The following MBNL3 variants were observed in gnomAD, a reference collection of about 807,000 sequenced individuals.
MBNL3 encodes muscleblind-like protein 3.
Under a neutral mutation model 24.5 loss-of-function variants are expected in MBNL3, and 6 were observed. That is an observed-to-expected ratio of 0.25 (90% CI 0.13 to 0.48). MBNL3 has a LOEUF of 0.48. Ranked by LOEUF, MBNL3 falls within the 20% of genes least tolerant of loss-of-function variation. MBNL3 has a pLI of 0.99. For missense variants in MBNL3, 230 were observed against 293.5 expected (o/e 0.78, Z 1.58); for synonymous variants, 100 against 101.7 (o/e 0.98, Z 0.10).
chrX:132,469,691 T>C (rs1947074706), intron 1 of MBNL3, among the ~76,000 whole-genome samples: 1 of 112,363 alleles, frequency 8.9e-6, no homozygotes, highest in Non-Finnish European at 1.9e-5. Flanking sequence ...GTCAGTACAA[T>C]TCTTAATAAC....
At chrX:132,456,576 G>A (rs1946382832) in intron 1 of MBNL3, among the ~76,000 whole-genome samples, 1 of 111,835 alleles carries the variant, frequency 8.9e-6, no homozygotes, top group African/African-American at 3.2e-5. Flanking sequence ...ATCCTATGAG[G>A]TACATACTTT....
chrX:132,434,168 C>T (rs754725942), intron 2 of MBNL3, among the ~76,000 whole-genome samples: 17 of 112,493 alleles, frequency 1.5e-4, no homozygotes, highest in African/African-American at 4.8e-4. Context: ...AAGAAGGGGA[C>T]AGCTGTCACA....
chrX:132,383,735 A>G (rs1935457443), intron 7 of MBNL3, among the ~76,000 whole-genome samples: 1 of 111,620 alleles, frequency 9.0e-6, no homozygotes, highest in African/African-American at 3.3e-5. Context: ...GTCATTTTGA[A>G]CTTTATTCTC....
chrX:132,390,898 G>A lies in MBNL3; in HGVS notation c.720C>T (p.Ala240=). 8.3e-7 allele frequency: 1 copy of A among 1,211,486 alleles called. No individual in the cohort carries two copies. The highest frequency in any genetic ancestry group is 3.0e-5 in the East Asian group (1 of 33,828). Residue 240 remains alanine (A), a synonymous_variant, in exon 5 of 9, where the codon GCC becomes GCT. Transcript: ENST00000370853. ...KYFHPPAHLQ[A]RLKAAHHQMN... is the part of the protein sequence containing the mutation. Reference sequence around the variant, plus strand: ...TCTGATGATGAGCTGCCTTGAGTCTGGCTTGCAAGTGTGCAGGAGGATGAA... The same window carrying A: ...TCTGATGATGAGCTGCCTTGAGTCTAGCTTGCAAGTGTGCAGGAGGATGAA...
At chrX:132,405,815 T>G (rs1941699754) in intron 3 of MBNL3, among the ~76,000 whole-genome samples, 1 of 94,662 alleles carries the variant, frequency 1.1e-5, no homozygotes, top group African/African-American at 4.2e-5. Flanking sequence ...AGGCAGAAGT[T>G]GCAATGAGCC....
chrX:132,453,881 C>T (rs1946239138), intron 1 of MBNL3, among the ~76,000 whole-genome samples: 1 of 110,566 alleles, frequency 9.0e-6, no homozygotes, highest in Non-Finnish European at 1.9e-5. Context: ...CACTTGAGGC[C>T]AGGAGTTCGA....
At chrX:132,416,132 G>A (rs1020245587) in intron 2 of MBNL3, among the ~76,000 whole-genome samples, 1 of 111,642 alleles carries the variant, frequency 9.0e-6, no homozygotes, top group African/African-American at 3.3e-5. Flanking sequence ...CACAATGGCC[G>A]AGATATGGAA....
intron 1 of MBNL3, among the ~76,000 whole-genome samples, chrX:132,463,215 A>G (rs1374285919): frequency 1.8e-5 from 2 of 112,391 alleles, no homozygotes; most frequent in Non-Finnish European, 3.8e-5. Flanking sequence ...TAATCTCAGC[A>G]CTTTGGGAGG....
chrX:132,372,834 G>A lies in MBNL3; in HGVS notation c.*6832C>T, dbSNP rs1933740417. 1 of 111,145 alleles carries A rather than the reference G, an allele frequency of 9.0e-6. No individual in the cohort carries two copies. Among genetic ancestry groups the A allele is most frequent in the Non-Finnish European group, 1.9e-5 (1 of 52,873 alleles). The allele number at this position is 111,145 out of a possible 1,213,427, so 9.2% of individuals were successfully genotyped here. ...TTTTGCAATATCTGCAAAGAGCTGC[G>A]ACTTATTTCATAGTCATACATTTTT... On this transcript the variant is annotated 3_prime_UTR_variant, in exon 9 of 9. Transcript: ENST00000370853.
intron 1 of MBNL3, among the ~76,000 whole-genome samples, chrX:132,485,902 A>G (rs1947984181): frequency 8.9e-6 from 1 of 112,365 alleles, no homozygotes; most frequent in South Asian, 3.7e-4. Flanking sequence ...TGAATGAGGA[A>G]AAATCCATCT....
At chrX:132,465,342 T>C (rs1448127500) in intron 1 of MBNL3, among the ~76,000 whole-genome samples, 1 of 112,013 alleles carries the variant, frequency 8.9e-6, no homozygotes, top group Admixed American at 9.5e-5. Context: ...GGTACAAAGC[T>C]AAACTTAACT....
chrX:132,378,226 C>T lies in MBNL3; in HGVS notation c.*1440G>A, dbSNP rs1386579665. ...TATATCACAGGTGCTTTCTCCTTCA[C>T]TGAACTGTTTAACAAAACGAAACTC... is the stretch of plus-strand genomic sequence containing the variant. On this transcript the variant is annotated 3_prime_UTR_variant, in exon 9 of 9. Transcript: ENST00000370853. The T allele has an allele frequency of 9.0e-6, 1 of 111,585 alleles. No homozygotes were observed. The highest frequency in any genetic ancestry group is 9.5e-5 in the Admixed American group (1 of 10,484). The allele number at this position is 111,585 out of a possible 1,213,427, so 9.2% of individuals were successfully genotyped here. A position where few individuals can be genotyped will look rare whatever the true frequency, so the allele number is the denominator to read the frequency against.
chrX:132,462,099 C>T (rs935045262), intron 1 of MBNL3, among the ~76,000 whole-genome samples: 5 of 111,927 alleles, frequency 4.5e-5, no homozygotes, highest in African/African-American at 1.6e-4. Context: ...GACACAGTCA[C>T]AAAGGGTGAC....
intron 2 of MBNL3, among the ~76,000 whole-genome samples, chrX:132,422,373 G>A (rs190086374): frequency 5.0e-4 from 56 of 111,884 alleles, no homozygotes; most frequent in Non-Finnish European, 9.8e-4. Context: ...CACCTGTTAT[G>A]TAGCATTCCA....
intron 8 of MBNL3, 79 bp downstream of exon 8, chrX:132,382,099 C>A: frequency 1.2e-6 from 1 of 845,345 alleles, no homozygotes; most frequent in Non-Finnish European, 1.7e-6. Flanking sequence ...AGAATCTCAC[C>A]AATCCAAAAA....
intron 6 of MBNL3, among the ~76,000 whole-genome samples, chrX:132,386,022 T>C (rs1324147567): frequency 9.0e-6 from 1 of 111,426 alleles, no homozygotes; most frequent in East Asian, 2.8e-4. Flanking sequence ...CCCCCCAATA[T>C]ATGATATCTA....
At chrX:132,381,982 A>G (rs1465677300) in intron 8 of MBNL3, among the ~76,000 whole-genome samples, 196 bp downstream of exon 8, 4 of 112,307 alleles carry the variant, frequency 3.6e-5, no homozygotes, top group Non-Finnish European at 7.5e-5. Context: ...AAAAATGAGC[A>G]AAACTCCTCT....
At chrX:132,382,359 G>A (rs777760416) in intron 7 of MBNL3, 87 bp from the exon 8 acceptor site, 2 of 715,118 alleles carry the variant, frequency 2.8e-6, no homozygotes, top group African/African-American at 2.1e-5. Flanking sequence ...AGGTGTGGTA[G>A]GTATCACAGC....
intron 3 of MBNL3, 31 bp downstream of exon 3, chrX:132,406,197 C>A (rs1201060048): frequency 8.3e-7 from 1 of 1,204,993 alleles, no homozygotes. Context: ...TGATCTTTAT[C>A]GGCAATTTTC....
Sources: gnomAD v4.1 joint callset for allele counts (sites outside exome capture counted in the v4.1 genomes callset) on GRCh38, gnomAD v4.1.1 for gene constraint, MANE v1.5 for transcripts, NCBI Gene and HGNC (gene_info 2026-07-23, HGNC 2026-07-21) for gene names.